PLXND1: variants seen among roughly 807,000 people sequenced by gnomAD.
PLXND1 encodes plexin-D1.
PLXND1 carries 54 observed loss-of-function variants against 197.7 expected under a neutral mutation model. The ratio of observed to expected loss-of-function variants is 0.27; its 90% CI spans 0.22 to 0.34. The LOEUF is 0.34. Ranked by LOEUF, PLXND1 falls within the 10% of genes least tolerant of loss-of-function variation. The pLI is 1.00. For synonymous variants in PLXND1, 1,180 were observed against 1,161.2 expected, an observed-to-expected ratio of 1.02 and a Z score of -0.33; for missense variants, 2,127 against 2,699.2, an observed-to-expected ratio of 0.79 and a Z score of 4.70.
chr3:129,556,311 C>A lies in PLXND1; in HGVS notation c.*1G>T. The A allele has an allele frequency of 6.3e-7, 1 of 1,593,246 alleles. No individual in the cohort carries two copies. Among genetic ancestry groups the A allele is most frequent in the South Asian group, 1.1e-5 (1 of 90,666 alleles). On this transcript the variant is annotated 3_prime_UTR_variant, in exon 36 of 36. Coordinates refer to ENST00000324093, the MANE Select transcript of PLXND1 (RefSeq NM_015103.3). ...GCAGCCTGACCAACTCTCCATGTGTCTCAGGCCTCACTGTAGCACTCGTAG... is the reference window on the plus strand; with the variant it reads ...GCAGCCTGACCAACTCTCCATGTGTATCAGGCCTCACTGTAGCACTCGTAG...
At chr3:129,602,132 C>T (rs1576284950) in intron 1 of PLXND1, among the ~76,000 whole-genome samples, 1 of 152,226 alleles carries the variant, frequency 6.6e-6, no homozygotes. Flanking sequence ...ATACCCCCAA[C>T]AGCCCTAAGA....
chr3:129,560,398 A>C lies in PLXND1; in HGVS notation c.5065T>G (p.Ser1689Ala), dbSNP rs1369644563. Residue 1689 changes from serine to alanine, a missense_variant, in exon 31 of 36, where the codon TCT becomes GCT. By Grantham distance (99) the Ser-to-Ala change is moderately conservative. Transcript: ENST00000324093. Reference sequence around the variant, plus strand: ...TTCTTGCGATGGCTCTGCCGGTGAGACTTCTTGGGCTCCGCCAGCTCGTCC... The same window carrying C: ...TTCTTGCGATGGCTCTGCCGGTGAGCCTTCTTGGGCTCCGCCAGCTCGTCC... ...PTDELAEPKK[S>A]HRQSHRKKVL... 1 of 1,613,780 alleles carries C rather than the reference A, an allele frequency of 6.2e-7. No homozygotes were observed. Among genetic ancestry groups the C allele is most frequent in the Non-Finnish European group, 8.5e-7 (1 of 1,179,846 alleles).
At chr3:129,589,310 T>TGGGGCCCCCCCCCCCCC in intron 2 of PLXND1, 41 bp downstream of exon 2, 2 of 501,294 alleles carry the variant, frequency 4.0e-6, no homozygotes, top group Non-Finnish European at 3.8e-6. Context: ...CAGGGGAGCC[T>TGGGGCCCCCCCCCCCCC]CCCACCCCCA....
intron 34 of PLXND1, 74 bp from the exon 35 acceptor site, chr3:129,556,765 C>T (rs545668962): frequency 9.2e-7 from 1 of 1,082,496 alleles, no homozygotes; most frequent in South Asian, 1.3e-5. Flanking sequence ...AAGCCAGCTG[C>T]TTGCACACAA....
rs776914218 is a variant in PLXND1, at chr3:129,567,582, G to A, written c.3996C>T (p.Asp1332=). The A allele has an allele frequency of 3.9e-5, 63 of 1,611,708 alleles. No homozygotes were observed. The East Asian group carries it at 1.4e-3, about 35-fold the overall frequency. ...TCAGCTCCTTGGTGAGATCTGTCAT[G>A]TCTGTCTGCAGCTCAGCGAAGCCTG... The part of the protein sequence containing the change: ...IRKGFAELQT[D]MTDLTKELNR... Residue 1332 remains aspartate, a synonymous_variant, in exon 22 of 36, where the codon GAC becomes GAT. Transcript: ENST00000324093.
chr3:129,578,431 G>C lies in PLXND1; in HGVS notation c.2244C>G (p.Ser748Arg). 6.3e-7 allele frequency: 1 copy of C among 1,577,794 alleles called. No individual in the cohort carries two copies. The highest frequency in any genetic ancestry group is 8.6e-7 in the Non-Finnish European group (1 of 1,159,372). Residue 748 changes from serine (S) to arginine (R), a missense_variant and splice_region_variant, in exon 9 of 36, where the codon AGC becomes AGG. Coordinates refer to ENST00000324093, the MANE Select transcript of PLXND1 (RefSeq NM_015103.3). ...GCAGGGTCCGGGGGCAGTCCTGAGG[G>C]CTCTGCAGAGGAAACAGAAGGAGAG... ...SRCEASPNPT[S>R]PQDCPRTLLS...
rs149347508 is a variant in PLXND1, at chr3:129,569,633, C to T, written c.3865+210G>A. Reference sequence around the variant, plus strand: ...GACCTGGGCGTGGGCCTAGCATATCCCCTGGCCACCTAACATCTTCTACCC... The same window carrying T: ...GACCTGGGCGTGGGCCTAGCATATCTCCTGGCCACCTAACATCTTCTACCC... On this transcript the variant is annotated intron_variant, in intron 20 of 35. Coordinates refer to ENST00000324093, the MANE Select transcript of PLXND1 (RefSeq NM_015103.3). 655 of 557,016 alleles carry T rather than the reference C, an allele frequency of 1.2e-3. 6 individuals carry two copies. The highest frequency in any genetic ancestry group is 0.011 in the African/African-American group (592 of 53,128). The allele number at this position is 557,016 out of a possible 1,614,324, so 34.5% of individuals were successfully genotyped here. A position where few individuals can be genotyped will look rare whatever the true frequency, so the allele number is the denominator to read the frequency against.
chr3:129,563,316 C>G lies in PLXND1; in HGVS notation c.4522-76G>C, dbSNP rs1422583252. 4.8e-6 allele frequency: 6 copies of G among 1,251,286 alleles called. No homozygotes were observed. The Admixed American group carries it at 1.6e-4, about 32-fold the overall frequency. 77.5% of individuals were successfully genotyped at this position (1,251,286 alleles called of 1,614,324 possible). The stretch of plus-strand genomic sequence containing the variant: ...CCATGCTTTGGGCCAAACACCTTCA[C>G]GCCCCCGTCCCCCAACCCCTCCAAC... On this transcript the variant is annotated intron_variant, in intron 25 of 35. Coordinates refer to ENST00000324093, the MANE Select transcript of PLXND1 (RefSeq NM_015103.3).
rs748041703 is a variant in PLXND1, at chr3:129,559,788, G to A, written c.5134-5C>T. 9 of 1,585,978 alleles carry A rather than the reference G, an allele frequency of 5.7e-6. No homozygotes were observed. In the African/African-American group the frequency reaches 6.7e-5, roughly 12 times the overall value. On this transcript the variant is annotated splice_region_variant and splice_polypyrimidine_tract_variant and intron_variant, in intron 31 of 35. Transcript: ENST00000324093. ...CAGAAACTTCTGCAACGTGCCCTGC[G>A]GGGGAGTGGGGTGGCCGCCGTCAGC...
chr3:129,558,153 T>A lies in PLXND1; in HGVS notation c.5445+275A>T, dbSNP rs148747562. ...CTCATACTGGCTTTCCCACACCGGGTTCTCAGGCCTGTGTTCAAAGCCAGT... is the reference window on the plus strand; with the variant it reads ...CTCATACTGGCTTTCCCACACCGGGATCTCAGGCCTGTGTTCAAAGCCAGT... On this transcript the variant is annotated intron_variant, in intron 33 of 35. Transcript: ENST00000324093. The surrounding 1 kb of genome is among the most constrained non-coding windows in gnomAD (Gnocchi z 4.1). Among the ~76,000 whole-genome samples the A allele has an allele frequency of 6.6e-6, 1 of 152,300 alleles. No individual in the cohort carries two copies. Among genetic ancestry groups the A allele is most frequent in the African/African-American group, 2.4e-5 (1 of 41,552 alleles).
chr3:129,557,095 G>C lies in PLXND1; in HGVS notation c.5574C>G (p.Ala1858=), dbSNP rs367690642. 2 of 1,613,542 alleles carry C rather than the reference G, an allele frequency of 1.2e-6. No individual in the cohort carries two copies. The highest frequency in any genetic ancestry group is 1.3e-5 in the African/African-American group (1 of 74,800). Residue 1858 remains alanine (A), a synonymous_variant, in exon 34 of 36, where the codon GCC becomes GCG. Transcript: ENST00000324093. This position sits in a 1 kb window ranked among gnomAD's most constrained non-coding sequence, Gnocchi z 4.8. ...LSEQEMNAHL[A]EESRKYQNEF... ...CGAGCCACCGCACCCTCGACTCCTCGGCCAGATGGGCATTCATCTCTTGCT... is the reference window on the plus strand; with the variant it reads ...CGAGCCACCGCACCCTCGACTCCTCCGCCAGATGGGCATTCATCTCTTGCT...
chr3:129,561,937 G>T, intron 27 of PLXND1, 34 bp from the exon 28 acceptor site: 2 of 1,500,170 alleles, frequency 1.3e-6, no homozygotes, highest in Non-Finnish European at 1.9e-6. Flanking sequence ...CAGGGTCCGG[G>T]CAGGGAGCTG....
chr3:129,606,182 C>T lies in PLXND1; in HGVS notation c.458G>A (p.Arg153Gln), dbSNP rs1284756688. Residue 153 changes from arginine to glutamine, a missense_variant, in exon 1 of 36, where the codon CGG (arginine) becomes CAG (glutamine). Physicochemically the swap from Arg to Gln is conservative, Grantham distance 43. Transcript: ENST00000324093. The stretch of plus-strand genomic sequence containing the variant: ...CACGGCCACGGCCGAGATGTTGCCC[C>T]GGCGCCGCAGCTGGCAGAAGCCCTG... Reference protein sequence around the residue: ...IYQGFCQLRRRGNISAVAVRF... With the variant: ...IYQGFCQLRRQGNISAVAVRF... The T allele has an allele frequency of 1.9e-6, 3 of 1,550,140 alleles. No homozygotes were observed. The highest frequency in any genetic ancestry group is 1.9e-5 in the Admixed American group (1 of 53,152).
At chr3:129,576,433 T>C (rs1473529336) in intron 9 of PLXND1, among the ~76,000 whole-genome samples, 1 of 152,236 alleles carries the variant, frequency 6.6e-6, no homozygotes, top group Non-Finnish European at 1.5e-5. Context: ...TTGATCCTCA[T>C]TCATTCCCTC....
intron 6 of PLXND1, 28 bp downstream of exon 6, chr3:129,584,357 G>T: frequency 6.2e-7 from 1 of 1,607,008 alleles, no homozygotes; most frequent in Non-Finnish European, 8.5e-7. Flanking sequence ...GCCCCTCTGG[G>T]GCTGTGCCAA....
chr3:129,578,557 A>C (rs2085345583), intron 8 of PLXND1, 124 bp from the exon 9 acceptor site: 1 of 634,610 alleles, frequency 1.6e-6, no homozygotes, highest in Non-Finnish European at 2.8e-6. Flanking sequence ...CTAGTCATTC[A>C]GTCCTAACGG....
At chr3:129,559,045 A>T in intron 32 of PLXND1, 1 of 161,056 alleles carries the variant, frequency 6.2e-6, no homozygotes, top group Non-Finnish European at 1.4e-5. Context: ...CCAGTGACTC[A>T]GCAGCCTGGG....
rs2085088547 is a variant in PLXND1, at chr3:129,563,230, C to T, written c.4532G>A (p.Gly1511Glu). ...ACACAGCAGCAGGAAGAATGGCTCC[C>T]CCACCGTCTCCTGAGGGGCACGGGG... Reference protein sequence around the residue: ...CMYSCLRETVGEPFFLLLCAI... With the variant: ...CMYSCLRETVEEPFFLLLCAI... Residue 1511 changes from glycine to glutamate, a missense_variant, in exon 26 of 36, where the codon GGG becomes GAG. Coordinates refer to ENST00000324093, the MANE Select transcript of PLXND1 (RefSeq NM_015103.3). The T allele has an allele frequency of 1.9e-6, 3 of 1,610,642 alleles. No homozygotes were observed. The highest frequency in any genetic ancestry group is 1.7e-6 in the Non-Finnish European group (2 of 1,178,504).
chr3:129,560,576 C>G (rs374202759), intron 30 of PLXND1, 113 bp downstream of exon 30: 2 of 989,954 alleles, frequency 2.0e-6, no homozygotes, highest in African/African-American at 1.6e-5. Flanking sequence ...TCCCCCACCC[C>G]CCAGCCTTTC....
Sources: gnomAD v4.1 joint callset for allele counts (sites outside exome capture counted in the v4.1 genomes callset) on GRCh38, gnomAD v4.1.1 for gene constraint, Gnocchi (gnomAD v3.1) non-coding constraint, MANE v1.5 for transcripts, NCBI Gene and HGNC (gene_info 2026-07-23, HGNC 2026-07-21) for gene names.